Variants in BUB1 observed in about 807,000 individuals in gnomAD.
BUB1 encodes mitotic checkpoint serine/threonine-protein kinase BUB1.
In BUB1, 84 loss-of-function variants were observed where a neutral mutation model predicts 135.2. The observed-to-expected ratio is 0.62, with a 90% CI of 0.52 to 0.74. The LOEUF (loss-of-function observed/expected upper bound fraction) is 0.74. BUB1 is among the 30% of genes least tolerant of loss of function. The pLI is 0.00. For synonymous variants in BUB1, 403 were observed against 434.4 expected, an observed-to-expected ratio of 0.93 and a Z score of 0.90; for missense variants, 1,162 against 1,288.3, an observed-to-expected ratio of 0.90 and a Z score of 1.50.
chr2:110,676,607 C>G (rs1354091143), intron 1 of BUB1: 4 of 152,002 alleles, frequency 2.6e-5, no homozygotes, highest in South Asian at 2.1e-4. Context: ...AATTAGGGTA[C>G]ATGAAGTATT....
At chr2:110,658,071 A>T (rs1346083891) in intron 13 of BUB1, among the ~76,000 whole-genome samples, 1 of 152,134 alleles carries the variant, frequency 6.6e-6, no homozygotes, top group Admixed American at 6.5e-5. Context: ...CTGACTCTAG[A>T]CAAATGTGGG....
rs1219849157 is a variant in BUB1, at chr2:110,664,084, A to G, written c.957+2179T>C. Among the ~76,000 whole-genome samples, 3 of 151,912 alleles carry G rather than the reference A, an allele frequency of 2.0e-5. No individual in the cohort carries two copies. The East Asian group carries it at 5.8e-4, about 29-fold the overall frequency. On this transcript the variant is annotated intron_variant, in intron 9 of 24. Coordinates refer to ENST00000302759, the MANE Select transcript of BUB1 (RefSeq NM_004336.5). ...TGGCCATAAAAATTAAGGCAATCTC[A>G]AAGAAAATTAGGGGGAAAAAAGGAC...
At chr2:110,663,620 T>C (rs1690157847) in intron 9 of BUB1, among the ~76,000 whole-genome samples, 1 of 152,234 alleles carries the variant, frequency 6.6e-6, no homozygotes, top group South Asian at 2.1e-4. Flanking sequence ...TGAAGGAGGC[T>C]AGGAGCGGTG....
chr2:110,677,431 G>C (rs532667250), intron 1 of BUB1, among the ~76,000 whole-genome samples: 4 of 152,298 alleles, frequency 2.6e-5, no homozygotes, highest in Non-Finnish European at 5.9e-5. Flanking sequence ...TAAGTAAAAA[G>C]TGAGTGATGT....
At chr2:110,654,570 T>A (rs1689872101) in intron 16 of BUB1, among the ~76,000 whole-genome samples, 1 of 152,100 alleles carries the variant, frequency 6.6e-6, no homozygotes, top group African/African-American at 2.4e-5. Context: ...TAGCCAATAT[T>A]GACTTTTTGA....
At chr2:110,647,715 C>A (rs1027072881) in intron 19 of BUB1, among the ~76,000 whole-genome samples, 3 of 152,096 alleles carry the variant, frequency 2.0e-5, no homozygotes, top group Middle Eastern at 3.2e-3. Flanking sequence ...GATAAGAAAC[C>A]AACCAACCAA....
chr2:110,665,607 GCATA>G (rs1339334306), intron 9 of BUB1, among the ~76,000 whole-genome samples: 14 of 143,496 alleles, frequency 9.8e-5, no homozygotes, highest in East Asian at 2.0e-4. Context: ...GTGTGTGTAT[GCATA>G]CATACATACA....
chr2:110,647,661 A>ATG (rs1689677776), intron 19 of BUB1, among the ~76,000 whole-genome samples: 1 of 152,196 alleles, frequency 6.6e-6, no homozygotes, highest in Admixed American at 6.5e-5. Flanking sequence ...TATAGGTAAT[A>ATG]AACTATGTAG....
intron 11 of BUB1, among the ~76,000 whole-genome samples, chr2:110,659,263 C>T (rs1368283104): frequency 2.0e-5 from 3 of 152,122 alleles, no homozygotes; most frequent in Non-Finnish European, 4.4e-5. Flanking sequence ...CTTAATATTC[C>T]CTCTGTCTGA....
intron 19 of BUB1, 159 bp from the exon 20 acceptor site, chr2:110,642,393 TAATC>T: frequency 4.1e-6 from 2 of 482,326 alleles, no homozygotes; most frequent in South Asian, 6.3e-5. Context: ...TTGTCACAAA[TAATC>T]AATCAACCAA....
At position 110,641,086 on chromosome 2, in the gene BUB1, G is replaced by A. The variant is rs1452034219; in HGVS notation, c.2903C>T (p.Thr968Ile). The change falls in exon 23 of 25, where the codon ACA becomes ATA. Residue 968 changes from threonine (T) to isoleucine (I), a missense_variant. Coordinates refer to ENST00000302759, the MANE Select transcript of BUB1 (RefSeq NM_004336.5). ...KGTIFTAKCE[T>I]SGFQCVEMLS... ...CATCTCAACACACTGAAAACCAGAT[G>A]TTTCACACTTTGCTGTGAATATAGT... is the stretch of plus-strand genomic sequence containing the variant. 6.2e-7 allele frequency: 1 copy of A among 1,611,806 alleles called. No homozygotes were observed. Among genetic ancestry groups the A allele is most frequent in the Middle Eastern group, 1.7e-4 (1 of 6,048 alleles).
chr2:110,642,043 G>T, intron 20 of BUB1, 76 bp downstream of exon 20: 1 of 1,202,688 alleles, frequency 8.3e-7, no homozygotes, highest in Non-Finnish European at 1.2e-6. Context: ...CTATCTTAAA[G>T]AAAAAAAATT....
intron 13 of BUB1, among the ~76,000 whole-genome samples, chr2:110,658,021 C>A (rs979886041): frequency 6.6e-6 from 1 of 152,154 alleles, no homozygotes; most frequent in Non-Finnish European, 1.5e-5. Context: ...TTGGCTTCTA[C>A]TTATCTTTAT....
At chr2:110,673,064 A>G (rs1690466626) in intron 3 of BUB1, among the ~76,000 whole-genome samples, 1 of 152,198 alleles carries the variant, frequency 6.6e-6, no homozygotes, top group Non-Finnish European at 1.5e-5. Flanking sequence ...GTTTAAGCCA[A>G]TCACCAATGG....
chr2:110,650,816 A>C, intron 17 of BUB1, 32 bp from the exon 18 acceptor site: 1 of 1,555,704 alleles, frequency 6.4e-7, no homozygotes, highest in Non-Finnish European at 8.9e-7. Flanking sequence ...AGAAACCAAA[A>C]CACCACATGA....
chr2:110,640,832 G>C (rs1689482337), intron 23 of BUB1, among the ~76,000 whole-genome samples: 1 of 152,150 alleles, frequency 6.6e-6, no homozygotes, highest in Admixed American at 6.5e-5. Context: ...CCTGATAACA[G>C]GATCTATAAT....
intron 19 of BUB1, 65 bp from the exon 20 acceptor site, chr2:110,642,299 A>G (rs1689526820): frequency 8.7e-7 from 1 of 1,152,298 alleles, no homozygotes. Context: ...TTCAATTTAC[A>G]AAGAAGTTAC....
At chr2:110,663,881 T>C (rs1690167578) in intron 9 of BUB1, among the ~76,000 whole-genome samples, 1 of 151,832 alleles carries the variant, frequency 6.6e-6, no homozygotes, top group African/African-American at 2.4e-5. Context: ...CAAAAAAAAT[T>C]AGCCAGGCAT....
intron 10 of BUB1, among the ~76,000 whole-genome samples, chr2:110,660,527 G>C (rs1217822008): frequency 1.3e-5 from 2 of 152,118 alleles, no homozygotes; most frequent in Non-Finnish European, 2.9e-5. Context: ...TACAGTGTTA[G>C]TAAATAAACT....
Sources: allele counts gnomAD v4.1 joint callset (sites outside exome capture counted in the v4.1 genomes callset), GRCh38; gene constraint gnomAD v4.1.1; transcripts MANE v1.5; gene names NCBI Gene and HGNC (gene_info 2026-07-23, HGNC 2026-07-21).